SYT1: variants seen among roughly 807,000 people sequenced by gnomAD.
The protein encoded by SYT1 is synaptotagmin 1.
In SYT1, 8 loss-of-function variants were observed where a neutral mutation model predicts 44.8. The ratio of observed to expected loss-of-function variants is 0.18; its 90% CI spans 0.10 to 0.32. The LOEUF (loss-of-function observed/expected upper bound fraction) is 0.32, where lower values mean the gene tolerates loss of function less well. SYT1 is among the 10% of genes least tolerant of loss of function. The probability of loss-of-function intolerance (pLI) is 1.00; values close to 1 mark genes in which losing one functional copy is unlikely to be tolerated. For missense variants in SYT1, 286 were observed against 509.3 expected (o/e 0.56, Z 4.22); for synonymous variants, 154 against 188.8 (o/e 0.82, Z 1.51).
chr12:79,104,208 G>A (rs1878590930), intron 3 of SYT1, among the ~76,000 whole-genome samples: 1 of 149,686 alleles, frequency 6.7e-6, no homozygotes. Context: ...TCATCTCAAT[G>A]TGTCCTTCAA....
intron 4 of SYT1, among the ~76,000 whole-genome samples, chr12:79,252,675 G>A (rs1877286989): frequency 6.6e-6 from 1 of 152,142 alleles, no homozygotes; most frequent in Non-Finnish European, 1.5e-5. Flanking sequence ...GCAATAAACA[G>A]AAGTTCTACT....
At chr12:78,954,713 T>G (rs1879125275) in intron 1 of SYT1, among the ~76,000 whole-genome samples, 1 of 152,224 alleles carries the variant, frequency 6.6e-6, no homozygotes, top group Non-Finnish European at 1.5e-5. Context: ...TTGTTGAATA[T>G]TAGCACATGA....
chr12:79,183,320 G>A (rs77182270), intron 3 of SYT1, among the ~76,000 whole-genome samples: 5,694 of 152,098 alleles, frequency 0.037, 195 homozygotes, highest in East Asian at 0.12. Flanking sequence ...CAGACAGGAA[G>A]ATATTTGTCT....
At chr12:79,424,560 G>GTTAACAT (rs370983287) in intron 9 of SYT1, among the ~76,000 whole-genome samples, 307 of 152,226 alleles carry the variant, frequency 2.0e-3, no homozygotes, top group African/African-American at 6.2e-3. Context: ...TCTCAGCAAT[G>GTTAACAT]TTAACATTTC....
rs532629724 is a variant in SYT1 at position 79,006,449 on chromosome 12, A to G, written c.-84+28518A>G. 5.3e-5 allele frequency among the ~76,000 whole-genome samples: 8 copies of G among 152,208 alleles called. No homozygotes were observed. In the South Asian group the frequency reaches 1.7e-3, roughly 32 times the overall value. ...GCAGAAGCAGCAGTGACTGTAAATG[A>G]GGTCTAGACAACAGGTGCTTTTCTT... is the stretch of plus-strand genomic sequence containing the variant. On this transcript the variant is annotated intron_variant, in intron 2 of 10. Transcript: ENST00000261205.
chr12:79,108,372 T>C (rs1878829416), intron 3 of SYT1, among the ~76,000 whole-genome samples: 1 of 152,018 alleles, frequency 6.6e-6, no homozygotes, highest in South Asian at 2.1e-4. Context: ...TCACTTATAA[T>C]AAAAGTATTC....
At chr12:79,014,122 C>CAAAAA (rs1358787041) in intron 2 of SYT1, among the ~76,000 whole-genome samples, 4 of 39,656 alleles carry the variant, frequency 1.0e-4, no homozygotes, top group South Asian at 8.8e-4. Flanking sequence ...AGACTCTCTC[C>CAAAAA]AAAAAAAAAA....
chr12:79,333,839 C>T (rs1420531466), intron 8 of SYT1, among the ~76,000 whole-genome samples: 1 of 152,048 alleles, frequency 6.6e-6, no homozygotes, highest in African/African-American at 2.4e-5. Flanking sequence ...AACAACAAAC[C>T]AGCCAAATTC....
intron 2 of SYT1, among the ~76,000 whole-genome samples, chr12:78,998,462 T>C (rs1870520485): frequency 6.6e-6 from 1 of 152,208 alleles, no homozygotes; most frequent in Non-Finnish European, 1.5e-5. Flanking sequence ...ACAGAAGTCA[T>C]GTCTACTGTG....
At chr12:79,354,384 T>A (rs890374725) in intron 9 of SYT1, among the ~76,000 whole-genome samples, 1 of 152,238 alleles carries the variant, frequency 6.6e-6, no homozygotes, top group Admixed American at 6.5e-5. Context: ...ATAAATTGAC[T>A]GCAGTTGTCA....
At chr12:79,013,866 G>A (rs1394642198) in intron 2 of SYT1, among the ~76,000 whole-genome samples, 2 of 151,956 alleles carry the variant, frequency 1.3e-5, no homozygotes, top group South Asian at 2.1e-4. Flanking sequence ...CGTGGCTCAC[G>A]CCTGTAATCC....
At chr12:78,867,748 A>G (rs572142572) in intron 1 of SYT1, among the ~76,000 whole-genome samples, 1 of 152,046 alleles carries the variant, frequency 6.6e-6, no homozygotes, top group Non-Finnish European at 1.5e-5. Context: ...GGAGAATATT[A>G]GTTATTTCAT....
chr12:79,056,740 G>A (rs1436721111), intron 3 of SYT1, among the ~76,000 whole-genome samples: 2 of 151,968 alleles, frequency 1.3e-5, no homozygotes, highest in Non-Finnish European at 1.5e-5. Flanking sequence ...ATAAAATTTT[G>A]TATGTGATGT....
intron 3 of SYT1, among the ~76,000 whole-genome samples, chr12:79,165,807 A>G (rs1018430700): frequency 6.6e-6 from 1 of 152,020 alleles, no homozygotes; most frequent in African/African-American, 2.4e-5. Context: ...GTTTATAAAG[A>G]TACATATTAG....
At chr12:79,054,789 T>C (rs1010003182) in intron 3 of SYT1, among the ~76,000 whole-genome samples, 2 of 151,948 alleles carry the variant, frequency 1.3e-5, no homozygotes, top group Non-Finnish European at 2.9e-5. Context: ...ATATTGACTA[T>C]AAGTCATAGA....
At chr12:78,918,594 C>T (rs1458479602) in intron 1 of SYT1, among the ~76,000 whole-genome samples, 2 of 152,014 alleles carry the variant, frequency 1.3e-5, no homozygotes, top group African/African-American at 2.4e-5. Context: ...TCCTGAGCAG[C>T]GCAAATGCTC....
At chr12:79,113,076 G>A (rs753727830) in intron 3 of SYT1, among the ~76,000 whole-genome samples, 42 of 152,134 alleles carry the variant, frequency 2.8e-4, no homozygotes, top group Non-Finnish European at 4.7e-4. Context: ...ATTCCAAAAT[G>A]TATTCGACAT....
chr12:78,929,227 C>T (rs1877478798), intron 1 of SYT1, among the ~76,000 whole-genome samples: 1 of 151,226 alleles, frequency 6.6e-6, no homozygotes, highest in African/African-American at 2.4e-5. Context: ...CGTGGTGAAA[C>T]TCCGCCTCTA....
At chr12:79,321,104 T>G (rs1392220005) in intron 8 of SYT1, among the ~76,000 whole-genome samples, 2 of 152,192 alleles carry the variant, frequency 1.3e-5, no homozygotes, top group South Asian at 2.1e-4. Flanking sequence ...AAATAACTGA[T>G]TAGTTCAATG....
Sources: allele counts gnomAD v4.1 joint callset (sites outside exome capture counted in the v4.1 genomes callset), GRCh38; gene constraint gnomAD v4.1.1; transcripts MANE v1.5; gene names NCBI Gene and HGNC (gene_info 2026-07-23, HGNC 2026-07-21).